Variants in IL1RAP observed in about 807,000 individuals in gnomAD.
The protein encoded by IL1RAP is interleukin 1 receptor accessory protein.
A neutral mutation model predicts 60.7 loss-of-function variants in IL1RAP; 35 were observed. The ratio of observed to expected loss-of-function variants is 0.58; its 90% confidence interval spans 0.44 to 0.76. IL1RAP has a LOEUF of 0.76. Ranked by LOEUF, IL1RAP falls within the 30% of genes least tolerant of loss-of-function variation. IL1RAP has a pLI of 0.00. For synonymous variants in IL1RAP, 268 were observed against 250.9 expected, an observed-to-expected ratio of 1.07 and a Z score of -0.64; for missense variants, 572 against 693.9, an observed-to-expected ratio of 0.82 and a Z score of 1.97.
chr3:190,561,056 C>CA (rs1229800255), intron 2 of IL1RAP, among the ~76,000 whole-genome samples: 1 of 152,112 alleles, frequency 6.6e-6, no homozygotes, highest in Non-Finnish European at 1.5e-5. Flanking sequence ...TCATCTGAAG[C>CA]AACAGCAGGG....
At chr3:190,526,349 C>T (rs1722512236) in intron 1 of IL1RAP, among the ~76,000 whole-genome samples, 1 of 152,204 alleles carries the variant, frequency 6.6e-6, no homozygotes, top group Non-Finnish European at 1.5e-5. Context: ...TTATACTATT[C>T]TGCTCTTTGA....
chr3:190,565,533 C>T (rs1410990881), intron 3 of IL1RAP, among the ~76,000 whole-genome samples: 1 of 152,114 alleles, frequency 6.6e-6, no homozygotes, highest in African/African-American at 2.4e-5. Context: ...AAAAATAGTA[C>T]TAAAGGAGTG....
In IL1RAP at chr3:190,589,749, G is replaced by A. The variant is rs3773962; in HGVS notation, c.65-14379G>A. Among the ~76,000 whole-genome samples, 225 of 152,294 alleles carry A rather than the reference G, an allele frequency of 1.5e-3. 2 individuals are homozygous for A. In the East Asian group the frequency reaches 0.039, roughly 27 times the overall value. ...GCCCCGATGTACTTTTATGGAATGA[G>A]TCTCTCTGAGCCCCCAACTGGGAAG... is the stretch of plus-strand genomic sequence containing the variant. On this transcript the variant is annotated intron_variant, in intron 3 of 11. Transcript: ENST00000447382.
downstream of IL1RAP, among the ~76,000 whole-genome samples, chr3:190,651,714 T>A (rs1734407819): frequency 6.6e-6 from 1 of 152,154 alleles, no homozygotes; most frequent in Non-Finnish European, 1.5e-5. Flanking sequence ...TAAAAGTTAC[T>A]TAAGTAAAAT....
intron 3 of IL1RAP, among the ~76,000 whole-genome samples, chr3:190,599,651 T>A (rs1729683332): frequency 6.6e-6 from 1 of 151,846 alleles, no homozygotes; most frequent in Non-Finnish European, 1.5e-5. Context: ...TTCTCAGATT[T>A]TGTTTTTTTT....
At chr3:190,619,617 C>G (rs1046239288) in intron 5 of IL1RAP, among the ~76,000 whole-genome samples, 1 of 151,676 alleles carries the variant, frequency 6.6e-6, no homozygotes, top group Admixed American at 6.6e-5. Flanking sequence ...CCCAGCTTCT[C>G]AGGAGACTGA....
intron 5 of IL1RAP, chr3:190,615,262 AAAAC>A: frequency 8.3e-7 from 1 of 1,202,162 alleles, no homozygotes; most frequent in Non-Finnish European, 1.1e-6. Context: ...GCTGGCTTAT[AAAAC>A]AAATTCTGAA....
intron 9 of IL1RAP, 177 bp downstream of exon 9, chr3:190,629,675 T>C: frequency 4.5e-6 from 6 of 1,334,938 alleles, no homozygotes; most frequent in Non-Finnish European, 5.8e-6. Context: ...TGTAAGATAC[T>C]CAAAATATTG....
rs200787926 is a variant in IL1RAP, at chr3:190,648,624, G to A, written c.1632G>A (p.Val544=). The change falls in exon 12 of 12, where the codon GTG becomes GTA. Residue 544 remains valine (V), a synonymous_variant. Coordinates refer to ENST00000447382, the MANE Select transcript of IL1RAP (RefSeq NM_002182.4). ...GCAGGTTCTGGAAGCAGCTGCAGGT[G>A]GCCATGCCAGTGAAGAAAAGTCCCA... ...PQGRFWKQLQ[V]AMPVKKSPRR... is the part of the protein sequence containing the mutation. The A allele has an allele frequency of 4.2e-5, 68 of 1,614,044 alleles. No homozygotes were observed. Among genetic ancestry groups the A allele is most frequent in the Non-Finnish European group, 5.2e-5 (61 of 1,180,038 alleles).
At chr3:190,598,610 A>G (rs1368369575) in intron 3 of IL1RAP, among the ~76,000 whole-genome samples, 1 of 152,106 alleles carries the variant, frequency 6.6e-6, no homozygotes, top group African/African-American at 2.4e-5. Flanking sequence ...AAATAATTAT[A>G]TACTTTCTGC....
intron 3 of IL1RAP, among the ~76,000 whole-genome samples, chr3:190,573,506 C>A (rs1002160248): frequency 6.6e-6 from 1 of 152,138 alleles, no homozygotes; most frequent in Non-Finnish European, 1.5e-5. Context: ...TGTTGGAGGA[C>A]TTTCTCCCTC....
At chr3:190,629,626 G>A in intron 9 of IL1RAP, 128 bp downstream of exon 9, 2 of 1,401,714 alleles carry the variant, frequency 1.4e-6, no homozygotes, top group South Asian at 1.8e-5. Context: ...CCATAGTAAT[G>A]AATCAAACTT....
At chr3:190,515,210 G>C (rs1289241958) in intron 1 of IL1RAP, among the ~76,000 whole-genome samples, 1 of 148,814 alleles carries the variant, frequency 6.7e-6, no homozygotes, top group African/African-American at 2.5e-5. Context: ...CCGATACTGG[G>C]TTTTTCTTTT....
intron 1 of IL1RAP, among the ~76,000 whole-genome samples, chr3:190,524,459 G>T (rs1326494604): frequency 6.6e-6 from 1 of 152,050 alleles, no homozygotes; most frequent in African/African-American, 2.4e-5. Flanking sequence ...TGCCTAGGTT[G>T]TCTTCCAGGG....
chr3:190,595,117 G>A (rs1177383465), intron 3 of IL1RAP, among the ~76,000 whole-genome samples: 2 of 151,776 alleles, frequency 1.3e-5, no homozygotes, highest in African/African-American at 4.8e-5. Flanking sequence ...TTCTTATTTA[G>A]CATGTCAATT....
At chr3:190,612,205 C>T (rs1041764379) in intron 5 of IL1RAP, among the ~76,000 whole-genome samples, 1 of 152,030 alleles carries the variant, frequency 6.6e-6, no homozygotes, top group African/African-American at 2.4e-5. Flanking sequence ...AGTAAAGATA[C>T]AGGAGCTCGT....
At chr3:190,579,379 A>T (rs1165821129) in intron 3 of IL1RAP, among the ~76,000 whole-genome samples, 19 of 152,158 alleles carry the variant, frequency 1.2e-4, no homozygotes, top group Admixed American at 1.2e-3. Context: ...TGGTTATATT[A>T]TTTGATCTTA....
intron 1 of IL1RAP, among the ~76,000 whole-genome samples, chr3:190,543,858 T>C (rs917418251): frequency 2.0e-5 from 3 of 152,180 alleles, no homozygotes; most frequent in African/African-American, 7.2e-5. Context: ...GGATATGATG[T>C]GTGAGCAAAT....
intron 9 of IL1RAP, among the ~76,000 whole-genome samples, chr3:190,636,007 A>C (rs1733192463): frequency 6.6e-6 from 1 of 152,194 alleles, no homozygotes; most frequent in Non-Finnish European, 1.5e-5. Flanking sequence ...GAGCTTTGCC[A>C]CAGTGCTGCA....
Sources: gnomAD v4.1 joint callset for allele counts (sites outside exome capture counted in the v4.1 genomes callset) on GRCh38, gnomAD v4.1.1 for gene constraint, MANE v1.5 for transcripts, NCBI Gene and HGNC (gene_info 2026-07-23, HGNC 2026-07-21) for gene names.